HEMK2: variants seen among roughly 807,000 people sequenced by gnomAD.
HEMK2 encodes methyltransferase HEMK2.
At chr21:28,670,784 A>G in the HEMK2 span, among the ~76,000 whole-genome samples, 22 of 152,212 alleles carry the variant, frequency 1.4e-4, no homozygotes, top group Non-Finnish European at 5.9e-5. Context: ...CATGTCTTAC[A>G]TGGCAGCAGG....
chr21:28,841,263 AT>A, the HEMK2 span, among the ~76,000 whole-genome samples: 1 of 8,474 alleles, frequency 1.2e-4, no homozygotes, highest in Non-Finnish European at 1.6e-4. Flanking sequence ...ATTATATATA[AT>A]ATATATTATA....
chr21:28,643,840 T>G, the HEMK2 span, among the ~76,000 whole-genome samples: 1 of 152,214 alleles, frequency 6.6e-6, no homozygotes, highest in Non-Finnish European at 1.5e-5. Context: ...TCAAATGAAG[T>G]CAGCAGGAAG....
chr21:28,676,936 T>G, the HEMK2 span, among the ~76,000 whole-genome samples: 1 of 152,208 alleles, frequency 6.6e-6, no homozygotes, highest in African/African-American at 2.4e-5. Context: ...GATGGCCGAA[T>G]AGGAACAGCT....
the HEMK2 span, among the ~76,000 whole-genome samples, chr21:28,840,995 A>G: frequency 1.2e-5 from 1 of 85,878 alleles, no homozygotes; most frequent in Non-Finnish European, 2.2e-5. Context: ...TGATAGATAC[A>G]TATATATATT....
chr21:28,636,411 T>C, the HEMK2 span, among the ~76,000 whole-genome samples: 4,342 of 152,276 alleles, frequency 0.029, 76 homozygotes, highest in Non-Finnish European at 0.042. Flanking sequence ...GGAGCCTTGA[T>C]GGACAAAAAC....
chr21:28,811,144 G>C, the HEMK2 span, among the ~76,000 whole-genome samples: 1 of 151,834 alleles, frequency 6.6e-6, no homozygotes. Flanking sequence ...CACTTTAGGA[G>C]GCCAAGGCAG....
chr21:28,763,938 G>A, the HEMK2 span, among the ~76,000 whole-genome samples: 1 of 151,902 alleles, frequency 6.6e-6, no homozygotes, highest in African/African-American at 2.4e-5. Context: ...AACCGTGACT[G>A]AAAACTCCAG....
the HEMK2 span, among the ~76,000 whole-genome samples, chr21:28,580,529 T>G: frequency 6.6e-6 from 1 of 150,596 alleles, no homozygotes; most frequent in African/African-American, 2.4e-5. Flanking sequence ...TTTACCAAGT[T>G]CAACTAGCTT....
chr21:28,759,931 T>C, the HEMK2 span, among the ~76,000 whole-genome samples: 1 of 152,194 alleles, frequency 6.6e-6, no homozygotes. Context: ...AACAGTTTAC[T>C]ACACACTGAA....
the HEMK2 span, among the ~76,000 whole-genome samples, chr21:28,809,536 T>C: frequency 1.3e-5 from 2 of 152,162 alleles, no homozygotes; most frequent in Non-Finnish European, 2.9e-5. Flanking sequence ...CATATCAGTG[T>C]TTTTGCAAAG....
chr21:28,716,840 C>CATT, the HEMK2 span, among the ~76,000 whole-genome samples: 3 of 152,128 alleles, frequency 2.0e-5, no homozygotes, highest in Non-Finnish European at 2.9e-5. Flanking sequence ...TATGAAAAAG[C>CATT]TTTTCTGTGT....
chr21:28,681,390 T>G, the HEMK2 span, among the ~76,000 whole-genome samples: 43 of 151,900 alleles, frequency 2.8e-4, no homozygotes, highest in African/African-American at 7.2e-4. Flanking sequence ...CACTGCTCAA[T>G]GAAATAAAAG....
chr21:28,597,986 G>T, the HEMK2 span, among the ~76,000 whole-genome samples: 3 of 152,132 alleles, frequency 2.0e-5, no homozygotes, highest in Non-Finnish European at 4.4e-5. Flanking sequence ...CTTAAACAGA[G>T]AAGTGAAAGC....
chr21:28,585,918 T>C, the HEMK2 span, among the ~76,000 whole-genome samples: 1 of 152,176 alleles, frequency 6.6e-6, no homozygotes, highest in Non-Finnish European at 1.5e-5. Flanking sequence ...GAAGAAATCA[T>C]AAGGCACAGA....
the HEMK2 span, among the ~76,000 whole-genome samples, chr21:28,581,749 G>C: frequency 6.6e-6 from 1 of 152,176 alleles, no homozygotes; most frequent in Admixed American, 6.5e-5. Flanking sequence ...AAGCAAGAAA[G>C]CGGTAAAAAC....
At chr21:28,802,058 G>C in the HEMK2 span, among the ~76,000 whole-genome samples, 2 of 152,142 alleles carry the variant, frequency 1.3e-5, no homozygotes, top group Non-Finnish European at 2.9e-5. Context: ...TGAGCAAAAT[G>C]ATGAGTGTAC....
At chr21:28,726,251 T>C in the HEMK2 span, among the ~76,000 whole-genome samples, 1 of 152,068 alleles carries the variant, frequency 6.6e-6, no homozygotes, top group Admixed American at 6.5e-5. Context: ...TTTGGGGAAT[T>C]ACCATACTAT....
At chr21:28,776,940 G>C in the HEMK2 span, among the ~76,000 whole-genome samples, 1 of 152,184 alleles carries the variant, frequency 6.6e-6, no homozygotes, top group Non-Finnish European at 1.5e-5. Context: ...TGACTCAAAA[G>C]TTAATCTCCT....
the HEMK2 span, among the ~76,000 whole-genome samples, chr21:28,619,579 T>C: frequency 6.6e-6 from 1 of 152,220 alleles, no homozygotes; most frequent in East Asian, 1.9e-4. Context: ...TAGTCTTTTC[T>C]AGGCATTGGC....
Sources: allele counts gnomAD v4.1 joint callset (sites outside exome capture counted in the v4.1 genomes callset), GRCh38; gene constraint gnomAD v4.1.1; transcripts MANE v1.5; gene names NCBI Gene and HGNC (gene_info 2026-07-23, HGNC 2026-07-21).